The following GRIK4 variants were observed in gnomAD, a reference collection of about 807,000 sequenced individuals.
GRIK4 encodes the protein glutamate ionotropic receptor kainate type subunit 4, also known as glutamate receptor ionotropic, kainate 4.
GRIK4 carries 40 observed loss-of-function variants against 104.9 expected under a neutral mutation model. That is an observed-to-expected ratio of 0.38 (90% CI 0.30 to 0.50). The LOEUF (loss-of-function observed/expected upper bound fraction) is 0.50, where lower values mean the gene tolerates loss of function less well. Ranked by LOEUF, GRIK4 falls within the 20% of genes least tolerant of loss-of-function variation. GRIK4 has a pLI of 0.93. For missense variants in GRIK4, 1,047 were observed against 1,308.1 expected (o/e 0.80, Z 3.08); for synonymous variants, 485 against 524.9 (o/e 0.92, Z 1.04).
At chr11:120,742,524 TTA>T (rs1322204516) in intron 3 of GRIK4, among the ~76,000 whole-genome samples, 2 of 64,876 alleles carry the variant, frequency 3.1e-5, no homozygotes, top group Non-Finnish European at 7.0e-5. Flanking sequence ...ATTATTATTA[TTA>T]TTTTTTTTTG....
intron 1 of GRIK4, among the ~76,000 whole-genome samples, chr11:120,622,748 T>A (rs1297239018): frequency 6.6e-6 from 1 of 152,218 alleles, no homozygotes; most frequent in Non-Finnish European, 1.5e-5. Context: ...CCAAAGGCCC[T>A]AGGGAGAATG....
intron 1 of GRIK4, among the ~76,000 whole-genome samples, chr11:120,636,637 C>A (rs1379607086): frequency 1.3e-5 from 2 of 152,162 alleles, no homozygotes; most frequent in East Asian, 3.9e-4. Context: ...ATCAGGAGGT[C>A]GAGACCATCC....
intron 3 of GRIK4, among the ~76,000 whole-genome samples, chr11:120,767,101 T>G (rs918129465): frequency 6.6e-6 from 1 of 152,114 alleles, no homozygotes; most frequent in South Asian, 2.1e-4. Context: ...GTAGTTCTAT[T>G]TTTTATTTCT....
chr11:120,791,499 T>C (rs1470640374), intron 3 of GRIK4, among the ~76,000 whole-genome samples: 1 of 152,250 alleles, frequency 6.6e-6, no homozygotes, highest in African/African-American at 2.4e-5. Flanking sequence ...TTACATATTC[T>C]GGATACAAGT....
chr11:120,583,236 A>G (rs1201375470), intron 1 of GRIK4, among the ~76,000 whole-genome samples: 1 of 152,210 alleles, frequency 6.6e-6, no homozygotes, highest in East Asian at 1.9e-4. Flanking sequence ...TTCCTTATAG[A>G]TTCTGGATAT....
At chr11:120,884,231 T>G (rs977608324) in intron 11 of GRIK4, among the ~76,000 whole-genome samples, 1 of 152,240 alleles carries the variant, frequency 6.6e-6, no homozygotes, top group Non-Finnish European at 1.5e-5. Context: ...ATAAAATTAT[T>G]GTGAGAGCAA....
intron 1 of GRIK4, among the ~76,000 whole-genome samples, chr11:120,623,962 T>TC (rs1949221964): frequency 7.5e-6 from 1 of 133,988 alleles, no homozygotes; most frequent in South Asian, 2.6e-4. Context: ...CTCTTCTTCC[T>TC]CCCCCTTCCC....
chr11:120,797,664 G>A (rs577174816), intron 3 of GRIK4, among the ~76,000 whole-genome samples: 3 of 152,266 alleles, frequency 2.0e-5, no homozygotes, highest in South Asian at 2.1e-4. Flanking sequence ...AATCACTGTC[G>A]AAAACCTAAT....
rs557638595 is a variant in GRIK4, at chr11:120,677,744, C to T, written c.82+17344C>T. ...GGACCGTGGGGACATTGCCATTTTG[C>T]GCCTCCTTTTCCCTGTTTGATATTT... On this transcript the variant is annotated intron_variant, in intron 3 of 20. Transcript: ENST00000527524. Among the ~76,000 whole-genome samples, 16 of 152,254 alleles carry T rather than the reference C, an allele frequency of 1.1e-4. No homozygotes were observed. The South Asian group carries it at 2.3e-3, about 22-fold the overall frequency.
chr11:120,724,403 A>T (rs988265701), intron 3 of GRIK4, among the ~76,000 whole-genome samples: 1 of 152,236 alleles, frequency 6.6e-6, no homozygotes, highest in African/African-American at 2.4e-5. Flanking sequence ...TTTGAGTTGT[A>T]TCCAGTTCCT....
intron 3 of GRIK4, among the ~76,000 whole-genome samples, chr11:120,667,361 C>T (rs988045638): frequency 6.6e-6 from 1 of 152,270 alleles, no homozygotes; most frequent in Non-Finnish European, 1.5e-5. Flanking sequence ...TGTCTGGGTG[C>T]TTCCTTCCTC....
At chr11:120,866,240 C>T (rs1208956450) in intron 9 of GRIK4, among the ~76,000 whole-genome samples, 1 of 152,170 alleles carries the variant, frequency 6.6e-6, no homozygotes, top group Non-Finnish European at 1.5e-5. Context: ...CAGGGTTCAC[C>T]TCCACCTCTG....
At chr11:120,752,205 G>C (rs955394793) in intron 3 of GRIK4, among the ~76,000 whole-genome samples, 24 of 152,178 alleles carry the variant, frequency 1.6e-4, no homozygotes, top group Non-Finnish European at 1.2e-4. Context: ...TGTCAGCCAG[G>C]GAGCAGGAGG....
intron 11 of GRIK4, among the ~76,000 whole-genome samples, chr11:120,890,219 C>T (rs952794753): frequency 1.2e-4 from 18 of 152,294 alleles, no homozygotes; most frequent in African/African-American, 4.1e-4. Flanking sequence ...CAACGCTGTA[C>T]TATGGGTAGG....
chr11:120,662,651 G>A (rs1033601606), intron 3 of GRIK4, among the ~76,000 whole-genome samples: 10 of 152,112 alleles, frequency 6.6e-5, no homozygotes, highest in African/African-American at 2.4e-4. Context: ...GGGGTCTCTG[G>A]GGTCCTTGAG....
intron 3 of GRIK4, among the ~76,000 whole-genome samples, chr11:120,773,465 A>G (rs1318681965): frequency 6.6e-6 from 1 of 152,258 alleles, no homozygotes; most frequent in Non-Finnish European, 1.5e-5. Context: ...GAAAACCACC[A>G]GGGACCAAAC....
chr11:120,980,416 C>G lies in GRIK4; in HGVS notation c.2396-1690C>G, dbSNP rs598804. Among the ~76,000 whole-genome samples the G allele has an allele frequency of 2.6e-5, 4 of 152,206 alleles. No individual in the cohort carries two copies. The South Asian group carries it at 8.3e-4, about 32-fold the overall frequency. On this transcript the variant is annotated intron_variant, in intron 19 of 20. Transcript: ENST00000527524. The stretch of plus-strand genomic sequence containing the variant: ...TGAAGTATCTGCCTACAACCCCAGC[C>G]AGCTCCTTGGTACATTCCCTTTTAA...
At chr11:120,710,832 CTGTT>C (rs1401639567) in intron 3 of GRIK4, among the ~76,000 whole-genome samples, 3 of 152,224 alleles carry the variant, frequency 2.0e-5, no homozygotes, top group Non-Finnish European at 4.4e-5. Context: ...ATTTTAAAAT[CTGTT>C]TGTGTGCCTG....
intron 9 of GRIK4, among the ~76,000 whole-genome samples, chr11:120,867,650 G>A (rs781008063): frequency 4.6e-5 from 7 of 152,040 alleles, no homozygotes; most frequent in Non-Finnish European, 4.4e-5. Context: ...AGGGAGCCCC[G>A]TTCTAAGGGC....
Sources: gnomAD v4.1 joint callset for allele counts (sites outside exome capture counted in the v4.1 genomes callset) on GRCh38, gnomAD v4.1.1 for gene constraint, MANE v1.5 for transcripts, NCBI Gene and HGNC (gene_info 2026-07-23, HGNC 2026-07-21) for gene names.